EPB41L2: variants seen among roughly 807,000 people sequenced by gnomAD.
The protein encoded by EPB41L2 is band 4.1-like protein 2.
In EPB41L2, 43 loss-of-function variants were observed where a neutral mutation model predicts 113.0. That is an observed-to-expected ratio of 0.38 (90% confidence interval 0.30 to 0.49). The LOEUF is 0.49. Ranked by LOEUF, EPB41L2 falls within the 20% of genes least tolerant of loss-of-function variation. The pLI is 0.95. For missense variants in EPB41L2, 1,147 were observed against 1,223.4 expected (o/e 0.94, Z 0.93); for synonymous variants, 442 against 436.7 (o/e 1.01, Z -0.15).
intron 3 of EPB41L2, among the ~76,000 whole-genome samples, chr6:130,939,562 A>G (rs570435964): frequency 3.9e-5 from 6 of 152,162 alleles, no homozygotes; most frequent in Non-Finnish European, 5.9e-5. Flanking sequence ...CCCAAATAAC[A>G]TATTTTAAGG....
At chr6:131,012,799 G>A (rs1787336549) in intron 1 of EPB41L2, among the ~76,000 whole-genome samples, 1 of 152,064 alleles carries the variant, frequency 6.6e-6, no homozygotes. Flanking sequence ...AGGTGCTCAG[G>A]CATGGCGGAA....
intron 3 of EPB41L2, among the ~76,000 whole-genome samples, chr6:130,945,013 G>C (rs1017678086): frequency 2.0e-5 from 3 of 152,116 alleles, no homozygotes; most frequent in Non-Finnish European, 4.4e-5. Flanking sequence ...TAAGCTAAAA[G>C]GATAAAGACA....
chr6:130,858,364 G>A, intron 18 of EPB41L2, 121 bp from the exon 19 acceptor site: 1 of 670,330 alleles, frequency 1.5e-6, no homozygotes, highest in South Asian at 1.9e-5. Context: ...ACTCACTTCT[G>A]TATTTGAGAA....
intron 18 of EPB41L2, 78 bp from the exon 19 acceptor site, chr6:130,858,321 G>A (rs985537050): frequency 2.7e-6 from 3 of 1,117,386 alleles, no homozygotes; most frequent in Non-Finnish European, 3.9e-6. Flanking sequence ...CACACACACT[G>A]ATCACCTCGG....
At chr6:131,037,770 G>A (rs1309788262) in intron 1 of EPB41L2, among the ~76,000 whole-genome samples, 1 of 151,828 alleles carries the variant, frequency 6.6e-6, no homozygotes, top group East Asian at 1.9e-4. Flanking sequence ...TCTCATTTTT[G>A]TAGTGACAGG....
chr6:130,884,578 C>T (rs540817592), intron 12 of EPB41L2, among the ~76,000 whole-genome samples: 1 of 152,320 alleles, frequency 6.6e-6, no homozygotes, highest in South Asian at 2.1e-4. Context: ...CTCCATTTCA[C>T]CATGGTGTAC....
At chr6:130,879,979 G>T (rs980596112) in intron 13 of EPB41L2, among the ~76,000 whole-genome samples, 165 bp downstream of exon 13, 1 of 152,110 alleles carries the variant, frequency 6.6e-6, no homozygotes, top group Admixed American at 6.5e-5. Flanking sequence ...TAAGCCACTT[G>T]AAAGGAACAC....
chr6:131,033,415 T>C (rs1382401825), intron 1 of EPB41L2, among the ~76,000 whole-genome samples: 1 of 152,174 alleles, frequency 6.6e-6, no homozygotes, highest in Non-Finnish European at 1.5e-5. Context: ...AGAATTACCA[T>C]ATGACCTAGC....
intron 1 of EPB41L2, among the ~76,000 whole-genome samples, chr6:130,981,239 T>G (rs574495806): frequency 1.7e-4 from 26 of 152,180 alleles, no homozygotes; most frequent in Admixed American, 2.6e-4. Flanking sequence ...AGGAGAATAA[T>G]CAAATGAGTG....
intron 3 of EPB41L2, among the ~76,000 whole-genome samples, chr6:130,940,859 C>A (rs1783218827): frequency 6.6e-6 from 1 of 152,030 alleles, no homozygotes; most frequent in Admixed American, 6.6e-5. Flanking sequence ...CACTTCTGTG[C>A]TTTTGTATTA....
chr6:130,859,261 C>T (rs141718201), intron 18 of EPB41L2, among the ~76,000 whole-genome samples: 13 of 152,288 alleles, frequency 8.5e-5, no homozygotes, highest in African/African-American at 3.1e-4. Flanking sequence ...GTGGCTCAGG[C>T]CTGTAATCCC....
intron 18 of EPB41L2, among the ~76,000 whole-genome samples, chr6:130,862,287 G>C (rs1782361863): frequency 7.1e-6 from 1 of 141,840 alleles, no homozygotes; most frequent in South Asian, 2.1e-4. Context: ...AAAGGGCCTA[G>C]GTTCAATGGG....
At chr6:131,011,249 C>T (rs2128725408) in intron 1 of EPB41L2, among the ~76,000 whole-genome samples, 1 of 152,292 alleles carries the variant, frequency 6.6e-6, no homozygotes, top group Middle Eastern at 3.4e-3. Flanking sequence ...TAGGATAAAA[C>T]TGGAGCCATT....
chr6:130,947,977 T>A (rs1265745615), intron 3 of EPB41L2, among the ~76,000 whole-genome samples: 2 of 152,188 alleles, frequency 1.3e-5, no homozygotes, highest in African/African-American at 4.8e-5. Context: ...GTACATAAGA[T>A]CTGCTGTGGG....
chr6:130,870,562 A>G (rs893526219), intron 14 of EPB41L2, among the ~76,000 whole-genome samples: 3 of 152,202 alleles, frequency 2.0e-5, no homozygotes, highest in African/African-American at 7.2e-5. Flanking sequence ...AAAAGACACA[A>G]AAACAGCCAG....
At chr6:130,957,793 G>A (rs1003955933) in intron 1 of EPB41L2, among the ~76,000 whole-genome samples, 1 of 152,066 alleles carries the variant, frequency 6.6e-6, no homozygotes, top group African/African-American at 2.4e-5. Context: ...CTCACAAAGT[G>A]GTACAACCAC....
intron 3 of EPB41L2, among the ~76,000 whole-genome samples, chr6:130,942,982 T>C (rs944253408): frequency 1.3e-5 from 2 of 152,238 alleles, no homozygotes; most frequent in African/African-American, 4.8e-5. Flanking sequence ...ACATTTTCTT[T>C]ATCCAGTCTA....
chr6:131,033,895 A>AAATG (rs1792756499), intron 1 of EPB41L2, among the ~76,000 whole-genome samples: 1 of 152,252 alleles, frequency 6.6e-6, no homozygotes, highest in South Asian at 2.1e-4. Flanking sequence ...AACATACTTC[A>AAATG]TGCTTCTGAG....
chr6:130,911,357 C>G (rs1221176978), intron 4 of EPB41L2, among the ~76,000 whole-genome samples: 1 of 151,928 alleles, frequency 6.6e-6, no homozygotes, highest in African/African-American at 2.4e-5. Context: ...CATCACACAC[C>G]AGGGCCTGTT....
Sources: gnomAD v4.1 joint callset for allele counts (sites outside exome capture counted in the v4.1 genomes callset) on GRCh38, gnomAD v4.1.1 for gene constraint, MANE v1.5 for transcripts, NCBI Gene and HGNC (gene_info 2026-07-23, HGNC 2026-07-21) for gene names.